Variants in RYR2 observed in about 807,000 individuals in gnomAD.
RYR2 encodes the protein ryanodine receptor 2.
Under a neutral mutation model 601.1 loss-of-function variants are expected in RYR2, and 227 were observed. The ratio of observed to expected loss-of-function variants is 0.38; its 90% CI spans 0.34 to 0.42. The LOEUF (loss-of-function observed/expected upper bound fraction) is 0.42, where lower values mean the gene tolerates loss of function less well. Among genes scored for constraint, RYR2 ranks in the 10% least tolerant of loss-of-function variants. The probability of loss-of-function intolerance (pLI) is 1.00; values close to 1 mark genes in which losing one functional copy is unlikely to be tolerated. For missense variants in RYR2, 4,646 were observed against 6,156.5 expected (o/e 0.75, Z 8.21); for synonymous variants, 2,223 against 2,175.1 (o/e 1.02, Z -0.61).
intron 1 of RYR2, among the ~76,000 whole-genome samples, chr1:237,174,941 G>T (rs1182356102): frequency 1.3e-5 from 2 of 152,040 alleles, no homozygotes; most frequent in African/African-American, 4.8e-5. Context: ...TGTTAACTAA[G>T]GTTTTCTATT....
At chr1:237,492,205 T>A (rs1663432762) in intron 18 of RYR2, among the ~76,000 whole-genome samples, 1 of 152,190 alleles carries the variant, frequency 6.6e-6, no homozygotes, top group African/African-American at 2.4e-5. Context: ...CTAATTTTTG[T>A]ATTTTTAGTA....
At chr1:237,364,276 T>C in intron 4 of RYR2, 82 bp from the exon 5 acceptor site, 2 of 1,295,290 alleles carry the variant, frequency 1.5e-6, no homozygotes, top group Non-Finnish European at 2.2e-6. Context: ...AACGGAGTCT[T>C]TATAAATAAG....
In RYR2 at chr1:237,185,529, G is replaced by A. The variant is rs557859729; in HGVS notation, c.49-84968G>A. On this transcript the variant is annotated intron_variant, in intron 1 of 104. Coordinates refer to ENST00000366574, the MANE Select transcript of RYR2 (RefSeq NM_001035.3). ...CTGGTCATTAGATTGGCAGCCCTTG[G>A]ATTCAAAAGAAGCATCTCTGACTCT... 4.6e-5 allele frequency among the ~76,000 whole-genome samples: 7 copies of A among 151,552 alleles called. No individual in the cohort carries two copies. In the South Asian group the frequency reaches 1.5e-3, roughly 32 times the overall value.
chr1:237,591,282 A>AC (rs1423208793), intron 31 of RYR2, among the ~76,000 whole-genome samples: 5 of 151,032 alleles, frequency 3.3e-5, no homozygotes, highest in Admixed American at 3.3e-4. Context: ...GCAACCTGTT[A>AC]GTCATCTAAT....
chr1:237,357,870 A>G (rs1699436441), intron 4 of RYR2, among the ~76,000 whole-genome samples: 3 of 152,202 alleles, frequency 2.0e-5, no homozygotes, highest in Admixed American at 6.5e-5. Flanking sequence ...GCCAAAATAC[A>G]TGTTCATTTG....
Position 237,832,921 on chromosome 1 carries a change from CATAG to C in RYR2, c.*281_*284del, listed in dbSNP as rs543109617. 1.9e-4 allele frequency: 49 copies of C among 262,222 alleles called. No individual in the cohort carries two copies. The highest frequency in any genetic ancestry group is 9.9e-4 in the African/African-American group (45 of 45,320). The allele number at this position is 262,222 out of a possible 1,614,324, so 16.2% of individuals were successfully genotyped here. On this transcript the variant is annotated 3_prime_UTR_variant, in exon 105 of 105. Transcript: ENST00000366574. ...CCATTCTGGACACTGTCATAACACA[CATAG>C]ATAGATTTTCTTCTGAGACTCCCGG...
rs1020800042 is a variant in RYR2 at position 237,709,245 on chromosome 1, G to T, written c.10142+147G>T. Reference sequence around the variant, plus strand: ...CTGTTTATAGGCAAGTTAATTTTTGGCTTAAAATTAAAACACCTTAAAATC... The same window carrying T: ...CTGTTTATAGGCAAGTTAATTTTTGTCTTAAAATTAAAACACCTTAAAATC... On this transcript the variant is annotated intron_variant, in intron 69 of 104. Coordinates refer to ENST00000366574, the MANE Select transcript of RYR2 (RefSeq NM_001035.3). 3.6e-6 allele frequency: 3 copies of T among 837,192 alleles called. No homozygotes were observed. In the African/African-American group the frequency reaches 5.2e-5, roughly 14 times the overall value. 51.9% of individuals were successfully genotyped at this position (837,192 alleles called of 1,614,324 possible).
At position 237,566,555 on chromosome 1, in the gene RYR2, T is replaced by G; in HGVS notation, c.3215-12T>G. 1 of 1,611,570 alleles carries G rather than the reference T, an allele frequency of 6.2e-7. No individual in the cohort carries two copies. The highest frequency in any genetic ancestry group is 8.5e-7 in the Non-Finnish European group (1 of 1,177,984). On this transcript the variant is annotated splice_polypyrimidine_tract_variant and intron_variant, in intron 27 of 104. Coordinates refer to ENST00000366574, the MANE Select transcript of RYR2 (RefSeq NM_001035.3). Reference sequence around the variant, plus strand: ...ATCCAATGACCACCAGAAATCTCTGTCCATTTCCCAGCAGCCAGAGCCGAA... The same window carrying G: ...ATCCAATGACCACCAGAAATCTCTGGCCATTTCCCAGCAGCCAGAGCCGAA...
intron 1 of RYR2, among the ~76,000 whole-genome samples, chr1:237,149,093 G>A (rs145970239): frequency 4.6e-5 from 7 of 152,254 alleles, no homozygotes; most frequent in Admixed American, 4.6e-4. Flanking sequence ...AGAGTCAAAT[G>A]TATTGGGAGA....
rs1270056221 is a variant in RYR2 at position 237,565,175 on chromosome 1, CTTTCTT to C, written c.3215-1390_3215-1385del. Among the ~76,000 whole-genome samples the C allele has an allele frequency of 7.9e-3, 763 of 96,928 alleles. 13 individuals are homozygous for C. The highest frequency in any genetic ancestry group is 0.018 in the African/African-American group (448 of 25,054). 63.6% of individuals were successfully genotyped at this position (96,928 alleles called of 152,430 possible). On this transcript the variant is annotated intron_variant, in intron 27 of 104. Coordinates refer to ENST00000366574, the MANE Select transcript of RYR2 (RefSeq NM_001035.3). ...TTTCTTTCTCTTTCTTTCTTTCTTT[CTTTCTT>C]TCTTTCTTTCTTTCTTTCTTTCTTT...
At chr1:237,577,438 T>G (rs921613736) in intron 29 of RYR2, among the ~76,000 whole-genome samples, 5 of 151,908 alleles carry the variant, frequency 3.3e-5, no homozygotes, top group Non-Finnish European at 5.9e-5. Context: ...TTAACCTGGA[T>G]TATCTGGGAA....
chr1:237,467,841 C>G (rs1572457067), intron 16 of RYR2, among the ~76,000 whole-genome samples: 1 of 150,072 alleles, frequency 6.7e-6, no homozygotes, highest in African/African-American at 2.5e-5. Flanking sequence ...CTTGCATCAG[C>G]TACCAGATTT....
chr1:237,475,017 G>A (rs1661243951), intron 17 of RYR2, among the ~76,000 whole-genome samples: 1 of 152,134 alleles, frequency 6.6e-6, no homozygotes, highest in South Asian at 2.1e-4. Flanking sequence ...TGAAATTACT[G>A]GATGGACAGA....
At chr1:237,637,965 G>A (rs1272570462) in intron 44 of RYR2, among the ~76,000 whole-genome samples, 1 of 152,070 alleles carries the variant, frequency 6.6e-6, no homozygotes, top group Non-Finnish European at 1.5e-5. Context: ...CGCGGGCTGA[G>A]GCTGCTGCTT....
chr1:237,236,117 CA>C (rs1685526982), intron 1 of RYR2, among the ~76,000 whole-genome samples: 1 of 152,126 alleles, frequency 6.6e-6, no homozygotes, highest in South Asian at 2.1e-4. Flanking sequence ...ACCTCACTTA[CA>C]AATTGGGAAG....
intron 1 of RYR2, among the ~76,000 whole-genome samples, chr1:237,104,222 T>C (rs1668429731): frequency 6.6e-6 from 1 of 152,102 alleles, no homozygotes; most frequent in Admixed American, 6.5e-5. Context: ...CCTGTGGGAT[T>C]TGGCCGGCGT....
intron 2 of RYR2, among the ~76,000 whole-genome samples, chr1:237,278,578 G>A (rs1301812622): frequency 1.3e-5 from 2 of 152,146 alleles, no homozygotes; most frequent in Non-Finnish European, 2.9e-5. Flanking sequence ...AATGATTTCT[G>A]AGTAGGAGAT....
intron 6 of RYR2, among the ~76,000 whole-genome samples, chr1:237,370,818 A>G (rs1181917527): frequency 4.0e-5 from 6 of 151,774 alleles, no homozygotes; most frequent in African/African-American, 7.3e-5. Flanking sequence ...CCGCCACCAC[A>G]CCCAGCTAAT....
At chr1:237,776,741 C>T (rs989789583) in intron 87 of RYR2, among the ~76,000 whole-genome samples, 1 of 151,994 alleles carries the variant, frequency 6.6e-6, no homozygotes, top group Non-Finnish European at 1.5e-5. Flanking sequence ...AAGGAAAGGT[C>T]TCTTCCGGGG....
Sources: gnomAD v4.1 joint callset for allele counts (sites outside exome capture counted in the v4.1 genomes callset) on GRCh38, gnomAD v4.1.1 for gene constraint, MANE v1.5 for transcripts, NCBI Gene and HGNC (gene_info 2026-07-23, HGNC 2026-07-21) for gene names.